The following MTREX variants were observed in gnomAD, a reference collection of about 807,000 sequenced individuals.
MTREX encodes the protein Mtr4 exosome RNA helicase, also known as exosome RNA helicase MTR4.
Under a neutral mutation model 135.4 loss-of-function variants are expected in MTREX, and 76 were observed. The ratio of observed to expected loss-of-function variants is 0.56; its 90% confidence interval spans 0.47 to 0.68. The LOEUF (loss-of-function observed/expected upper bound fraction) is 0.68. MTREX is among the 30% of genes least tolerant of loss of function. The probability of loss-of-function intolerance (pLI) is 0.00; values close to 1 mark genes in which losing one functional copy is unlikely to be tolerated. For missense variants in MTREX, 920 were observed against 1,262.1 expected (o/e 0.73, Z 4.11); for synonymous variants, 404 against 401.6 (o/e 1.01, Z -0.07).
chr5:55,326,673 C>T (rs149417602), intron 3 of MTREX, among the ~76,000 whole-genome samples: 81 of 152,216 alleles, frequency 5.3e-4, no homozygotes, highest in African/African-American at 1.7e-3. Context: ...TGTGTCTTAT[C>T]CTATCTCCAC....
intron 1 of MTREX, among the ~76,000 whole-genome samples, chr5:55,313,499 A>G (rs1405015738): frequency 2.6e-5 from 4 of 152,182 alleles, no homozygotes; most frequent in African/African-American, 7.2e-5. Flanking sequence ...ACTTTTTCTT[A>G]TATATACTTA....
chr5:55,333,382 A>C (rs1040917961), intron 5 of MTREX, among the ~76,000 whole-genome samples: 6 of 152,184 alleles, frequency 3.9e-5, no homozygotes, highest in Non-Finnish European at 8.8e-5. Flanking sequence ...CAGGTATAGA[A>C]GAAGAGATTT....
intron 19 of MTREX, among the ~76,000 whole-genome samples, chr5:55,393,773 G>GA (rs746950612): frequency 1.7e-4 from 26 of 152,154 alleles, no homozygotes; most frequent in Non-Finnish European, 3.5e-4. Context: ...ATTAGGTTTA[G>GA]AAAATTGAAT....
At chr5:55,334,472 C>G (rs1163972709) in intron 5 of MTREX, among the ~76,000 whole-genome samples, 4 of 151,994 alleles carry the variant, frequency 2.6e-5, no homozygotes, top group Non-Finnish European at 4.4e-5. Flanking sequence ...TAGCAGGGTG[C>G]AACATTTTAT....
intron 19 of MTREX, 80 bp downstream of exon 19, chr5:55,388,182 G>A: frequency 8.0e-7 from 1 of 1,249,470 alleles, no homozygotes; most frequent in Non-Finnish European, 1.1e-6. Flanking sequence ...CAATGTGATG[G>A]TAATGAACAT....
chr5:55,377,219 C>T (rs550881079), intron 16 of MTREX, among the ~76,000 whole-genome samples: 19 of 152,118 alleles, frequency 1.2e-4, no homozygotes, highest in Admixed American at 7.8e-4. Context: ...CCCAGCTACT[C>T]GGGAGGCTGA....
intron 1 of MTREX, among the ~76,000 whole-genome samples, chr5:55,309,221 G>GACTGGGAATATACATTGATTTGAGA (rs1749057888): frequency 2.0e-5 from 3 of 152,148 alleles, no homozygotes; most frequent in Non-Finnish European, 2.9e-5. Flanking sequence ...CAAGAGATAA[G>GACTGGGAATATACATTGATTTGAGA]ACTGGGAATA....
intron 16 of MTREX, among the ~76,000 whole-genome samples, chr5:55,369,816 A>G (rs1228211214): frequency 6.6e-6 from 1 of 152,196 alleles, no homozygotes; most frequent in Non-Finnish European, 1.5e-5. Context: ...CTGTATAGCC[A>G]GTCACTAACC....
At chr5:55,390,354 G>C (rs1488639255) in intron 19 of MTREX, among the ~76,000 whole-genome samples, 1 of 152,170 alleles carries the variant, frequency 6.6e-6, no homozygotes, top group African/African-American at 2.4e-5. Context: ...GCCTGTCTCA[G>C]CCTCCCAAAG....
At chr5:55,358,471 G>C in intron 14 of MTREX, 102 bp from the exon 15 acceptor site, 1 of 979,974 alleles carries the variant, frequency 1.0e-6, no homozygotes, top group Non-Finnish European at 1.5e-6. Context: ...TCCTTTCTTA[G>C]GGTTTATAAC....
intron 14 of MTREX, 95 bp from the exon 15 acceptor site, chr5:55,358,478 T>C (rs1749957155): frequency 9.3e-7 from 1 of 1,071,468 alleles, no homozygotes; most frequent in East Asian, 2.7e-5. Flanking sequence ...TTAGGGTTTA[T>C]AACTTGTTAT....
At chr5:55,417,959 G>A (rs1395523624) in intron 25 of MTREX, among the ~76,000 whole-genome samples, 4 of 150,826 alleles carry the variant, frequency 2.7e-5, no homozygotes, top group African/African-American at 9.8e-5. Flanking sequence ...AGCAGGCCAG[G>A]CACGGTGGCT....
Position 55,400,445 on chromosome 5 carries a change from T to C in MTREX, c.2481+24T>C, listed in dbSNP as rs372798927. On this transcript the variant is annotated intron_variant, in intron 21 of 26. Transcript: ENST00000230640. The stretch of plus-strand genomic sequence containing the variant: ...AGGTATGGCAGAAATTTGGTTTTTA[T>C]AGTAGAATTCTATATGTTTCACTGA... The C allele has an allele frequency of 5.1e-5, 77 of 1,500,406 alleles. 1 individual carries two copies. The Middle Eastern group carries it at 1.6e-3, about 32-fold the overall frequency. The allele number at this position is 1,500,406 out of a possible 1,614,324, so 92.9% of individuals were successfully genotyped here.
chr5:55,361,089 T>C (rs2112080720), intron 15 of MTREX, among the ~76,000 whole-genome samples: 1 of 152,344 alleles, frequency 6.6e-6, no homozygotes, highest in East Asian at 1.9e-4. Context: ...TTAAACACTA[T>C]TTGACATGAG....
At position 55,425,230 on chromosome 5, in the gene MTREX, G is replaced by A; in HGVS notation, c.*458G>A. The A allele has an allele frequency of 6.2e-7, 1 of 1,613,956 alleles. No homozygotes were observed. The highest frequency in any genetic ancestry group is 8.5e-7 in the Non-Finnish European group (1 of 1,179,950). The stretch of plus-strand genomic sequence containing the variant: ...TTCAAGGCTGGTGATTGCTCGGATA[G>A]TGATTCCCAGTTGTTGGTGTTTCAT... On this transcript the variant is annotated 3_prime_UTR_variant, in exon 27 of 27. Coordinates refer to ENST00000230640, the MANE Select transcript of MTREX (RefSeq NM_015360.5).
At chr5:55,351,119 T>G in intron 13 of MTREX, 90 bp downstream of exon 13, 2 of 1,373,172 alleles carry the variant, frequency 1.5e-6, no homozygotes, top group Non-Finnish European at 1.9e-6. Context: ...GCAATATGTG[T>G]GTTTTTAACA....
At chr5:55,393,224 C>T (rs997634144) in intron 19 of MTREX, among the ~76,000 whole-genome samples, 3 of 152,150 alleles carry the variant, frequency 2.0e-5, no homozygotes, top group Admixed American at 6.5e-5. Flanking sequence ...AATATATGCT[C>T]CCTGGATTCC....
intron 25 of MTREX, among the ~76,000 whole-genome samples, chr5:55,420,146 CAGCCTAAGCTGGGGTTT>C (rs1213114391): frequency 2.0e-5 from 3 of 152,180 alleles, no homozygotes; most frequent in African/African-American, 7.2e-5. Context: ...AGAAAGGGTT[CAGCCTAAGCTGGGGTTT>C]AGCGGCAAGT....
At chr5:55,393,898 T>C (rs1750606601) in intron 19 of MTREX, among the ~76,000 whole-genome samples, 1 of 152,248 alleles carries the variant, frequency 6.6e-6, no homozygotes, top group Non-Finnish European at 1.5e-5. Context: ...TTATAAAATG[T>C]CATGTTTCTA....
Sources: allele counts gnomAD v4.1 joint callset (sites outside exome capture counted in the v4.1 genomes callset), GRCh38; gene constraint gnomAD v4.1.1; transcripts MANE v1.5; gene names NCBI Gene and HGNC (gene_info 2026-07-23, HGNC 2026-07-21).